The following FRMD4B variants were observed in gnomAD, a reference collection of about 807,000 sequenced individuals.
FRMD4B encodes FERM domain-containing protein 4B.
Under a neutral mutation model 141.5 loss-of-function variants are expected in FRMD4B, and 74 were observed. That is an observed-to-expected ratio of 0.52 (90% CI 0.43 to 0.63). FRMD4B has a LOEUF of 0.63. FRMD4B is among the 30% of genes least tolerant of loss of function. FRMD4B has a pLI of 0.00. For missense variants in FRMD4B, 1,366 were observed against 1,253.4 expected (o/e 1.09, Z -1.36); for synonymous variants, 506 against 467.9 (o/e 1.08, Z -1.05).
intron 4 of FRMD4B, among the ~76,000 whole-genome samples, chr3:69,301,452 G>C (rs1049519211): frequency 4.6e-5 from 7 of 152,122 alleles, no homozygotes; most frequent in Non-Finnish European, 5.9e-5. Flanking sequence ...AGCCTCATGA[G>C]TAGCTGGCAT....
At chr3:69,236,750 G>A (rs917187600) in intron 7 of FRMD4B, among the ~76,000 whole-genome samples, 8 of 152,164 alleles carry the variant, frequency 5.3e-5, no homozygotes, top group Non-Finnish European at 1.2e-4. Context: ...AGTTATCTCT[G>A]TTACTGTTAG....
At chr3:69,437,517 AGTAT>A (rs948106579) in intron 1 of FRMD4B, among the ~76,000 whole-genome samples, 1 of 145,374 alleles carries the variant, frequency 6.9e-6, no homozygotes, top group East Asian at 2.0e-4. Flanking sequence ...TGTTATATGT[AGTAT>A]GTATTATATA....
chr3:69,238,632 A>C (rs2093361937), intron 7 of FRMD4B, among the ~76,000 whole-genome samples: 1 of 152,136 alleles, frequency 6.6e-6, no homozygotes, highest in Non-Finnish European at 1.5e-5. Flanking sequence ...GAAAATACAA[A>C]AATTAATCAG....
At chr3:69,183,951 A>T (rs1328573475) in intron 19 of FRMD4B, among the ~76,000 whole-genome samples, 1 of 151,840 alleles carries the variant, frequency 6.6e-6, no homozygotes, top group Non-Finnish European at 1.5e-5. Flanking sequence ...GCTTGAGGAG[A>T]GTGGCACAAT....
chr3:69,451,813 C>A (rs1705504402), intron 1 of FRMD4B, among the ~76,000 whole-genome samples: 1 of 152,110 alleles, frequency 6.6e-6, no homozygotes, highest in South Asian at 2.1e-4. Context: ...GTACTAAGGC[C>A]CTGGCAACAG....
chr3:69,190,406 C>CTTTTTTT, intron 17 of FRMD4B, among the ~76,000 whole-genome samples: 1 of 144,482 alleles, frequency 6.9e-6, no homozygotes, highest in Non-Finnish European at 1.5e-5. Flanking sequence ...AAGAAAAGGC[C>CTTTTTTT]TTTTTTTTTT....
At chr3:69,503,181 C>T (rs1246023181) in intron 1 of FRMD4B, among the ~76,000 whole-genome samples, 1 of 152,168 alleles carries the variant, frequency 6.6e-6, no homozygotes, top group Non-Finnish European at 1.5e-5. Flanking sequence ...CATCCCATTA[C>T]TGGGTATATA....
At chr3:69,184,140 G>A (rs1387469261) in intron 19 of FRMD4B, among the ~76,000 whole-genome samples, 3 of 151,314 alleles carry the variant, frequency 2.0e-5, no homozygotes, top group Non-Finnish European at 2.9e-5. Flanking sequence ...TCGAACTCCT[G>A]ACGTCAAGTA....
At chr3:69,541,635 C>A (rs1333060932) in intron 1 of FRMD4B, among the ~76,000 whole-genome samples, 1 of 152,054 alleles carries the variant, frequency 6.6e-6, no homozygotes, top group Non-Finnish European at 1.5e-5. Context: ...TTTTTCCTCC[C>A]CAGATGAAAA....
At chr3:69,278,186 C>A (rs2093627498) in intron 5 of FRMD4B, among the ~76,000 whole-genome samples, 1 of 152,046 alleles carries the variant, frequency 6.6e-6, no homozygotes, top group Non-Finnish European at 1.5e-5. Context: ...GGTAGGCAGT[C>A]CATTAATAAG....
intron 5 of FRMD4B, among the ~76,000 whole-genome samples, chr3:69,256,777 C>G (rs1211576008): frequency 6.6e-6 from 1 of 152,194 alleles, no homozygotes; most frequent in African/African-American, 2.4e-5. Flanking sequence ...CCCTAGAAAG[C>G]CAGGCCATAG....
Position 69,183,474 on chromosome 3 carries a change from A to ATTT in FRMD4B, c.1920-760_1920-758dup, listed in dbSNP as rs771537044. Reference sequence around the variant, plus strand: ...ATGGTGACAACACAATTAGAAGTTAATTTTTTTTTTTTTTTTTTTTTTTTT... The same window carrying ATTT: ...ATGGTGACAACACAATTAGAAGTTAATTTTTTTTTTTTTTTTTTTTTTTTTTTT... On this transcript the variant is annotated intron_variant, in intron 19 of 22. Transcript: ENST00000398540. 2.1e-3 allele frequency among the ~76,000 whole-genome samples: 243 copies of ATTT among 113,268 alleles called. 10 individuals carry two copies. The highest frequency in any genetic ancestry group is 6.4e-3 in the East Asian group (19 of 2,946). The allele number at this position is 113,268 out of a possible 152,430, so 74.3% of individuals were successfully genotyped here. A position where few individuals can be genotyped will look rare whatever the true frequency, so the allele number is the denominator to read the frequency against.
At chr3:69,439,389 A>C (rs554691641) in intron 1 of FRMD4B, among the ~76,000 whole-genome samples, 1 of 152,284 alleles carries the variant, frequency 6.6e-6, no homozygotes, top group East Asian at 1.9e-4. Flanking sequence ...ATGAGAGTAC[A>C]TGGCAGTACT....
At position 69,515,309 on chromosome 3, in the gene FRMD4B, G is replaced by T. The variant is rs1429153231; in HGVS notation, c.-129+26897C>A. Among the ~76,000 whole-genome samples the T allele has an allele frequency of 4.6e-5, 7 of 152,214 alleles. 1 individual carries two copies. Among genetic ancestry groups the T allele is most frequent in the African/African-American group, 1.7e-4 (7 of 41,544 alleles). ...ACCAGGTACCACCTCCTACGTCGGG[G>T]ATTACAATTCCACATGAGATTTGGG... On this transcript the variant is annotated intron_variant, in intron 1 of 5. Coordinates refer to the FRMD4B transcript ENST00000459638.
upstream of FRMD4B, among the ~76,000 whole-genome samples, chr3:69,387,322 G>A (rs754990017): frequency 1.3e-5 from 2 of 151,982 alleles, no homozygotes; most frequent in Non-Finnish European, 2.9e-5. Flanking sequence ...TCACTATGTC[G>A]CCCAGGCTGG....
In FRMD4B at chr3:69,169,987, G is replaced by A. The variant is rs765764181; in HGVS notation, c.*1874C>T. On this transcript the variant is annotated 3_prime_UTR_variant, in exon 23 of 23. Coordinates refer to ENST00000398540, the MANE Select transcript of FRMD4B (RefSeq NM_015123.3). ...GTCATCCTCAGTGAGACAAACTACC[G>A]CATTTCATCAATTCTAAGGCAACTT... is the stretch of plus-strand genomic sequence containing the variant. 7 of 152,038 alleles carry A rather than the reference G, an allele frequency of 4.6e-5. No individual in the cohort carries two copies. Among genetic ancestry groups the A allele is most frequent in the Non-Finnish European group, 7.4e-5 (5 of 68,020 alleles). The allele number at this position is 152,038 out of a possible 1,614,324, so 9.4% of individuals were successfully genotyped here.
intron 2 of FRMD4B, among the ~76,000 whole-genome samples, chr3:69,422,383 A>G (rs1027620750): frequency 6.4e-5 from 5 of 77,808 alleles, no homozygotes; most frequent in Admixed American, 1.1e-4. Flanking sequence ...CGAGACTCTG[A>G]AAAAAAAAAA....
At chr3:69,263,084 C>G (rs1286980237) in intron 5 of FRMD4B, among the ~76,000 whole-genome samples, 1 of 151,892 alleles carries the variant, frequency 6.6e-6, no homozygotes, top group Non-Finnish European at 1.5e-5. Context: ...TATGGTGAAA[C>G]CCCGTCTCTA....
rs2092706243 is a variant in FRMD4B at position 69,181,379 on chromosome 3, C to T, written c.2371G>A (p.Gly791Ser). ...GGCTCCTGACTCTTTGAGTAAACAC[C>T]ATTCCTCAAACTATCCTTTTGTGCT... ...NLAQKDSLRN[G>S]VYSKSQEPPS... Residue 791 changes from glycine (G) to serine (S), a missense_variant, in exon 21 of 23, where the codon GGT becomes AGT. Physicochemically the swap from Gly to Ser is moderately conservative, Grantham distance 56 (BLOSUM62 0). Transcript: ENST00000398540. 6.2e-7 allele frequency: 1 copy of T among 1,613,248 alleles called. No homozygotes were observed. The highest frequency in any genetic ancestry group is 1.3e-5 in the African/African-American group (1 of 74,868).
Sources: gnomAD v4.1 joint callset for allele counts (sites outside exome capture counted in the v4.1 genomes callset) on GRCh38, gnomAD v4.1.1 for gene constraint, MANE v1.5 for transcripts, NCBI Gene and HGNC (gene_info 2026-07-23, HGNC 2026-07-21) for gene names.